MYH15: variants seen among roughly 807,000 people sequenced by gnomAD.
The protein encoded by MYH15 is myosin-15.
Under a neutral mutation model 240.5 loss-of-function variants are expected in MYH15, and 227 were observed. The observed-to-expected ratio is 0.94, with a 90% confidence interval of 0.85 to 1.05. The LOEUF is 1.05. Ranked by LOEUF, MYH15 falls within the 50% of genes least tolerant of loss-of-function variation. The pLI, the probability that MYH15 is intolerant of heterozygous loss-of-function variation, is 0.00. For missense variants in MYH15, 2,217 were observed against 2,247.5 expected (o/e 0.99, Z 0.27); for synonymous variants, 785 against 796.7 (o/e 0.99, Z 0.25).
At chr3:108,503,660 A>G (rs1164351422) in intron 2 of MYH15, among the ~76,000 whole-genome samples, 3 of 152,212 alleles carry the variant, frequency 2.0e-5, no homozygotes, top group Non-Finnish European at 2.9e-5. Context: ...AAAATGTGTT[A>G]GTAAGGATGT....
chr3:108,437,316 T>A (rs1383167358), intron 25 of MYH15, among the ~76,000 whole-genome samples: 1 of 152,042 alleles, frequency 6.6e-6, no homozygotes, highest in South Asian at 2.1e-4. Context: ...TACACCATTC[T>A]TTCTCATTTG....
At chr3:108,461,959 AG>A (rs1213823777) in intron 16 of MYH15, 1 of 152,216 alleles carries the variant, frequency 6.6e-6, no homozygotes, top group Non-Finnish European at 1.5e-5. Flanking sequence ...CCCCATTTAA[AG>A]AACAGTTGGT....
chr3:108,511,344 A>G (rs1396348453), upstream of MYH15, among the ~76,000 whole-genome samples: 2 of 152,200 alleles, frequency 1.3e-5, no homozygotes, highest in Non-Finnish European at 2.9e-5. Context: ...GTAATGAAGA[A>G]GCCCAGGCTG....
At position 108,500,131 on chromosome 3, in the gene MYH15, C is replaced by G. The variant is rs376723541; in HGVS notation, c.483G>C (p.Gln161His). ...GCAGCTACTCACTGTGAAGCATGTC[C>G]TGAAAGGCGTTATTGGCAACAGCAA... Reference protein sequence around the residue: ...HIFAVANNAFQDMLHNRENQS... With the variant: ...HIFAVANNAFHDMLHNRENQS... The change falls in exon 4 of 41, where the codon CAG (glutamine) becomes CAC (histidine). Residue 161 changes from glutamine (Q) to histidine (H), a missense_variant. Transcript: ENST00000693548. 1.9e-6 allele frequency: 3 copies of G among 1,613,608 alleles called. No homozygotes were observed. The highest frequency in any genetic ancestry group is 2.2e-5 in the South Asian group (2 of 91,034).
intron 27 of MYH15, among the ~76,000 whole-genome samples, chr3:108,425,284 G>A (rs2082717480): frequency 6.6e-6 from 1 of 152,158 alleles, no homozygotes; most frequent in South Asian, 2.1e-4. Flanking sequence ...CTGATCAAAG[G>A]TTACAAGGTA....
At chr3:108,425,598 G>A (rs962960820) in intron 27 of MYH15, among the ~76,000 whole-genome samples, 5 of 152,274 alleles carry the variant, frequency 3.3e-5, no homozygotes, top group East Asian at 3.9e-4. Flanking sequence ...GACTTAGAAC[G>A]TGAGTTATAA....
chr3:108,508,145 C>A (rs571930312), intron 1 of MYH15, among the ~76,000 whole-genome samples: 2 of 152,268 alleles, frequency 1.3e-5, no homozygotes, highest in South Asian at 2.1e-4. Flanking sequence ...TGCATTACAG[C>A]CTGCCTCCTC....
Position 108,402,438 on chromosome 3 carries a change from C to A in MYH15, c.4736+2900G>T, listed in dbSNP as rs79506323. Reference sequence around the variant, plus strand: ...GTTGGGAAAACTATGGGCTGTGGGCCAAATCCCACCATGCCCATTTATTTC... The same window carrying A: ...GTTGGGAAAACTATGGGCTGTGGGCAAAATCCCACCATGCCCATTTATTTC... On this transcript the variant is annotated intron_variant, in intron 33 of 40. Transcript: ENST00000693548. Among the ~76,000 whole-genome samples, 45 of 152,328 alleles carry A rather than the reference C, an allele frequency of 3.0e-4. 1 individual carries two copies. The East Asian group carries it at 8.7e-3, about 29-fold the overall frequency.
At chr3:108,402,909 A>G (rs541511180) in intron 33 of MYH15, among the ~76,000 whole-genome samples, 1 of 152,338 alleles carries the variant, frequency 6.6e-6, no homozygotes, top group African/African-American at 2.4e-5. Context: ...GTCTAATAAG[A>G]TGGGAAGATC....
At chr3:108,550,541 C>T in the MYH15 span, 4 of 151,372 alleles carry the variant, frequency 2.6e-5, no homozygotes, top group African/African-American at 9.7e-5. Context: ...AATAGTTTAA[C>T]ACAATGACAG....
intron 9 of MYH15, among the ~76,000 whole-genome samples, chr3:108,488,689 T>C (rs981108006): frequency 2.0e-5 from 3 of 152,192 alleles, no homozygotes; most frequent in African/African-American, 7.2e-5. Flanking sequence ...TCATCCTTCA[T>C]GGACACTTAG....
chr3:108,476,938 G>A (rs551174190), intron 11 of MYH15, among the ~76,000 whole-genome samples: 12 of 152,138 alleles, frequency 7.9e-5, no homozygotes, highest in Middle Eastern at 3.4e-3. Flanking sequence ...TAATCATAGA[G>A]TTACTATGGA....
upstream of MYH15, among the ~76,000 whole-genome samples, chr3:108,534,146 A>C (rs553110302): frequency 5.3e-4 from 80 of 152,336 alleles, no homozygotes; most frequent in African/African-American, 1.9e-3. Flanking sequence ...CTGCTGCACA[A>C]ATGATTGCAC....
chr3:108,454,099 C>G lies in MYH15; in HGVS notation c.2306G>C (p.Arg769Thr), dbSNP rs917805770. 3 of 1,611,974 alleles carry G rather than the reference C, an allele frequency of 1.9e-6. No individual in the cohort carries two copies. In the African/African-American group the frequency reaches 4.0e-5, roughly 22 times the overall value. Residue 769 changes from arginine (R) to threonine (T), a missense_variant, in exon 21 of 41, where the codon AGA (arginine) becomes ACA (threonine). Coordinates refer to ENST00000693548, the MANE Select transcript of MYH15 (RefSeq NM_014981.3). The stretch of plus-strand genomic sequence containing the variant: ...GAAGACTTTAGATAGTCTCTCATCT[C>G]TTATTGCTTCCAGTTGGCCCAGAAA... ...AGFLGQLEAI[R>T]DERLSKVFTL...
the MYH15 span, among the ~76,000 whole-genome samples, chr3:108,541,300 CAAT>C: frequency 6.6e-6 from 1 of 151,270 alleles, no homozygotes; most frequent in African/African-American, 2.4e-5. Context: ...TATCAAGTCA[CAAT>C]AATAAAAATG....
Position 108,476,392 on chromosome 3 carries a change from CT to C in MYH15, c.1233+4del. Reference sequence around the variant, plus strand: ...AATAATAATGCTCTTGAAATATCACCTTACCTGTTCTATAGTTTGACCTCTG... The same window carrying C: ...AATAATAATGCTCTTGAAATATCACCTACCTGTTCTATAGTTTGACCTCTG... On this transcript the variant is annotated splice_donor_region_variant and intron_variant, in intron 12 of 40. Coordinates refer to ENST00000693548, the MANE Select transcript of MYH15 (RefSeq NM_014981.3). 6.7e-7 allele frequency: 1 copy of C among 1,494,856 alleles called. No individual in the cohort carries two copies. Among genetic ancestry groups the C allele is most frequent in the Non-Finnish European group, 9.3e-7 (1 of 1,071,962 alleles). 92.6% of individuals were successfully genotyped at this position (1,494,856 alleles called of 1,614,324 possible). A position where few individuals can be genotyped will look rare whatever the true frequency, so the allele number is the denominator to read the frequency against.
intron 38 of MYH15, among the ~76,000 whole-genome samples, chr3:108,385,517 T>G (rs910490574): frequency 6.6e-6 from 1 of 152,144 alleles, no homozygotes; most frequent in Non-Finnish European, 1.5e-5. Flanking sequence ...CCTTTGGTAT[T>G]CCAGAGAGAG....
intron 12 of MYH15, among the ~76,000 whole-genome samples, chr3:108,472,916 A>C (rs2083188848): frequency 1.3e-5 from 2 of 152,322 alleles, no homozygotes; most frequent in South Asian, 4.1e-4. Flanking sequence ...AGCTCTTTTT[A>C]AAATAACCTC....
chr3:108,542,783 T>C, the MYH15 span, among the ~76,000 whole-genome samples: 5 of 152,028 alleles, frequency 3.3e-5, no homozygotes, highest in Admixed American at 6.6e-5. Flanking sequence ...CACTTATAAC[T>C]GAGAACATGC....
Sources: allele counts gnomAD v4.1 joint callset (sites outside exome capture counted in the v4.1 genomes callset), GRCh38; gene constraint gnomAD v4.1.1; transcripts MANE v1.5; gene names NCBI Gene and HGNC (gene_info 2026-07-23, HGNC 2026-07-21).